CDK12: variants seen among roughly 807,000 people sequenced by gnomAD.
CDK12 encodes the protein cyclin dependent kinase 12.
CDK12 carries 17 observed loss-of-function variants against 133.8 expected under a neutral mutation model. The observed-to-expected ratio is 0.13, with a 90% CI of 0.09 to 0.19. The LOEUF (loss-of-function observed/expected upper bound fraction) is 0.19, where lower values mean the gene tolerates loss of function less well. Among genes scored for constraint, CDK12 ranks in the 10% least tolerant of loss-of-function variants. The pLI is 1.00. For missense variants in CDK12, 1,508 were observed against 1,818.7 expected, an observed-to-expected ratio of 0.83 and a Z score of 3.11; for synonymous variants, 694 against 683.6, an observed-to-expected ratio of 1.02 and a Z score of -0.24.
Position 39,462,832 on chromosome 17 carries a change from A to G in CDK12, c.761A>G (p.His254Arg). ...TATGACCTTAGTCCCTCACGATCTC[A>G]TACCTCGAGCAATTATGACTCCTAC... ...QDYDLSPSRS[H>R]TSSNYDSYKK... The change falls in exon 1 of 14, where the codon CAT becomes CGT. Residue 254 changes from histidine (H) to arginine (R), a missense_variant. Around this residue, in one of 9 missense-constraint regions of CDK12, gnomAD observed 460 missense variants for 490.8 expected, o/e 0.94. Transcript: ENST00000447079. The G allele has an allele frequency of 6.2e-7, 1 of 1,613,364 alleles. No individual in the cohort carries two copies. Among genetic ancestry groups the G allele is most frequent in the Non-Finnish European group, 8.5e-7 (1 of 1,179,288 alleles).
rs759464370 is a variant in CDK12, at chr17:39,471,798, G to T, written c.1931+35G>T. 8 of 1,532,572 alleles carry T rather than the reference G, an allele frequency of 5.2e-6. No individual in the cohort carries two copies. In the Admixed American group the frequency reaches 1.6e-4, roughly 30 times the overall value. 94.9% of individuals were successfully genotyped at this position (1,532,572 alleles called of 1,614,324 possible). A position where few individuals can be genotyped will look rare whatever the true frequency, so the allele number is the denominator to read the frequency against. On this transcript the variant is annotated intron_variant, in intron 2 of 13. Transcript: ENST00000447079. ...ATAGTGAACTGGAAAAAACCCCCTT[G>T]ATCTAAACATAAAGCATTTTCTGTT...
intron 2 of CDK12, among the ~76,000 whole-genome samples, chr17:39,488,162 A>C (rs373973937): frequency 2.6e-5 from 4 of 152,004 alleles, no homozygotes; most frequent in African/African-American, 9.6e-5. Flanking sequence ...TGAGCCCGGG[A>C]AATTGAGGCT....
At position 39,471,305 on chromosome 17, in the gene CDK12, T is replaced by A; in HGVS notation, c.1473T>A (p.Leu491=). 1 of 1,613,648 alleles carries A rather than the reference T, an allele frequency of 6.2e-7. No homozygotes were observed. The highest frequency in any genetic ancestry group is 8.5e-7 in the Non-Finnish European group (1 of 1,179,782). Residue 491 remains leucine, a synonymous_variant, in exon 2 of 14, where the codon CTT becomes CTA. Coordinates refer to ENST00000447079, the MANE Select transcript of CDK12 (RefSeq NM_016507.4). Reference sequence around the variant, plus strand: ...TGGATGAGAACTCCGAGAAGCATCTTGTTAAAGATTTGAAAGCACAGGGAA... The same window carrying A: ...TGGATGAGAACTCCGAGAAGCATCTAGTTAAAGATTTGAAAGCACAGGGAA... ...VKLDENSEKH[L]VKDLKAQGTR... is the part of the protein sequence containing the mutation.
chr17:39,470,886 T>C lies in CDK12; in HGVS notation c.1054T>C (p.Ser352Pro), dbSNP rs754381959. Residue 352 changes from serine (S) to proline (P), a missense_variant, in exon 2 of 14, where the codon TCC (serine) becomes CCC (proline). This residue lies in a region of CDK12 where 460 missense variants were observed against 490.8 expected (regional missense o/e 0.94). Coordinates refer to ENST00000447079, the MANE Select transcript of CDK12 (RefSeq NM_016507.4). Reference protein sequence around the residue: ...LSRSPLPSRKSMKSRSRSPAY... With the variant: ...LSRSPLPSRKPMKSRSRSPAY... ...GGCTTTTTATTTTTCCAGTAGGAAA[T>C]CCATGAAGTCCAGAAGTAGAAGTCC... 1 of 1,597,156 alleles carries C rather than the reference T, an allele frequency of 6.3e-7. No homozygotes were observed. The highest frequency in any genetic ancestry group is 8.5e-7 in the Non-Finnish European group (1 of 1,174,784).
chr17:39,508,367 T>A (rs1038356319), intron 6 of CDK12, among the ~76,000 whole-genome samples: 13 of 152,262 alleles, frequency 8.5e-5, no homozygotes, highest in African/African-American at 3.1e-4. Flanking sequence ...AGGCTGTAAA[T>A]ATGACTAAAC....
In CDK12 at chr17:39,526,124, C is replaced by T; in HGVS notation, c.3568C>T (p.Pro1190Ser). ...KEAPSAPVIL[P>S]SAEQTTLEAS... ...AGCACCCTCTGCCCCAGTGATCCTG[C>T]CTTCAGCAGAACAGACGACCCTTGA... The change falls in exon 13 of 14, where the codon CCT (proline) becomes TCT (serine). Residue 1190 changes from proline to serine, a missense_variant. By Grantham distance (74) the Pro-to-Ser change is moderately conservative. This residue lies in a region of CDK12 where 399 missense variants were observed against 469.6 expected (regional missense o/e 0.85). Coordinates refer to ENST00000447079, the MANE Select transcript of CDK12 (RefSeq NM_016507.4). 3.7e-6 allele frequency: 6 copies of T among 1,614,222 alleles called. No individual in the cohort carries two copies. The highest frequency in any genetic ancestry group is 5.1e-6 in the Non-Finnish European group (6 of 1,180,042).
At chr17:39,542,159 ATG>A (rs1555584182) in intron 1 of CDK12, among the ~76,000 whole-genome samples, 1 of 89,956 alleles carries the variant, frequency 1.1e-5, no homozygotes, top group East Asian at 3.7e-4. Flanking sequence ...ACATATATAT[ATG>A]TGTGTGTGTG....
At chr17:39,541,632 G>A (rs1024725754) in intron 1 of CDK12, among the ~76,000 whole-genome samples, 7 of 151,904 alleles carry the variant, frequency 4.6e-5, no homozygotes, top group Admixed American at 4.6e-4. Flanking sequence ...TGGGATTACA[G>A]GCGTGAGCCA....
intron 6 of CDK12, among the ~76,000 whole-genome samples, chr17:39,505,622 G>A (rs570829954): frequency 3.9e-4 from 59 of 151,788 alleles, no homozygotes; most frequent in Non-Finnish European, 7.4e-4. Context: ...TGGAGGGATT[G>A]ATTATCCTTG....
At position 39,551,480 on chromosome 17, in the gene CDK12, A is replaced by G. The variant is rs9898506; in HGVS notation, n.356+338A>G. 9.8e-3 allele frequency among the ~76,000 whole-genome samples: 1,484 copies of G among 152,194 alleles called. 28 individuals carry two copies. The highest frequency in any genetic ancestry group is 0.034 in the African/African-American group (1,413 of 41,512). On this transcript the variant is annotated intron_variant and non_coding_transcript_variant, in intron 2 of 3. Transcript: ENST00000558240. ...AAGCAAATCCCCCAATCAAGACTAA[A>G]TGCTGAGCTTTTTTTTTTGAAATCT...
chr17:39,495,687 C>T (rs62077463), intron 5 of CDK12, among the ~76,000 whole-genome samples: 94,422 of 149,946 alleles, frequency 0.63, 32,374 homozygotes, highest in South Asian at 0.89. Flanking sequence ...CCCAGCTACT[C>T]AGGAGGCTGA....
chr17:39,547,464 A>G (rs2055769463), upstream of CDK12, among the ~76,000 whole-genome samples: 2 of 152,020 alleles, frequency 1.3e-5, no homozygotes. Flanking sequence ...GAATGGTTTT[A>G]TGTGTGCATT....
At chr17:39,483,988 A>G (rs1173163644) in intron 2 of CDK12, among the ~76,000 whole-genome samples, 4 of 151,950 alleles carry the variant, frequency 2.6e-5, no homozygotes, top group Non-Finnish European at 4.4e-5. Flanking sequence ...GATTACAGGC[A>G]TGAGCTACCA....
intron 7 of CDK12, among the ~76,000 whole-genome samples, chr17:39,510,225 T>A (rs1312867001): frequency 6.7e-6 from 1 of 148,940 alleles, no homozygotes; most frequent in Non-Finnish European, 1.5e-5. Flanking sequence ...GTTCAAGAAA[T>A]TCTCCTGCCT....
In CDK12 at chr17:39,468,186, C is replaced by T. The variant is rs572236217; in HGVS notation, c.1047-2693C>T. ...CTGGGATTACAGGCGTGAGCCACCG[C>T]GCCCAGCTTCCAATAATAATTTTAT... On this transcript the variant is annotated intron_variant, in intron 1 of 13. Transcript: ENST00000447079. Among the ~76,000 whole-genome samples, 1,309 of 152,096 alleles carry T rather than the reference C, an allele frequency of 8.6e-3. 22 individuals are homozygous for T. The highest frequency in any genetic ancestry group is 0.03 in the African/African-American group (1,244 of 41,500).
Position 39,463,005 on chromosome 17 carries a change from A to G in CDK12, c.934A>G (p.Ser312Gly). The G allele has an allele frequency of 6.2e-7, 1 of 1,614,170 alleles. No homozygotes were observed. Among genetic ancestry groups the G allele is most frequent in the Non-Finnish European group, 8.5e-7 (1 of 1,180,008 alleles). ...TCCCTATAGCAGGAGACGGTCGTCC[A>G]GCTACGAAAGAAGTGGCTCTTACAG... Reference protein sequence around the residue: ...VSPYSRRRSSSYERSGSYSGR... With the variant: ...VSPYSRRRSSGYERSGSYSGR... Residue 312 changes from serine (S) to glycine (G), a missense_variant, in exon 1 of 14, where the codon AGC becomes GGC. Ser to Gly is a moderately conservative substitution (Grantham distance 56, BLOSUM62 0). Coordinates refer to ENST00000447079, the MANE Select transcript of CDK12 (RefSeq NM_016507.4).
chr17:39,485,783 AG>A (rs1182187101), intron 2 of CDK12, among the ~76,000 whole-genome samples: 1 of 150,902 alleles, frequency 6.6e-6, no homozygotes, highest in Non-Finnish European at 1.5e-5. Flanking sequence ...GGAATGTTGT[AG>A]TGGGTAGATC....
intron 6 of CDK12, among the ~76,000 whole-genome samples, chr17:39,506,366 C>A (rs1444109078): frequency 6.6e-6 from 1 of 151,924 alleles, no homozygotes; most frequent in Non-Finnish European, 1.5e-5. Context: ...AGGCGCATGC[C>A]ACCACGCCTG....
chr17:39,558,666 G>T (rs921818098), intron 3 of CDK12, among the ~76,000 whole-genome samples: 1 of 151,860 alleles, frequency 6.6e-6, no homozygotes, highest in South Asian at 2.1e-4. Context: ...TTTTTGAGAC[G>T]GAGTTTTGCT....
Sources: gnomAD v4.1 joint callset for allele counts (sites outside exome capture counted in the v4.1 genomes callset) on GRCh38, gnomAD v4.1.1 for gene constraint, gnomAD v4.1.1 regional missense constraint, MANE v1.5 for transcripts, NCBI Gene and HGNC (gene_info 2026-07-23, HGNC 2026-07-21) for gene names.